Variants in PTX3 observed in about 807,000 individuals in gnomAD.
PTX3 encodes pentraxin 3.
PTX3 carries 24 observed loss-of-function variants against 23.5 expected under a neutral mutation model. The observed-to-expected ratio is 1.02, with a 90% CI of 0.74 to 1.43. PTX3 has a LOEUF of 1.43. Ranked by LOEUF, PTX3 falls within the 40% of genes most tolerant of loss-of-function variation. The probability of loss-of-function intolerance (pLI) is 0.00; values close to 1 mark genes in which losing one functional copy is unlikely to be tolerated. For synonymous variants in PTX3, 218 were observed against 205.4 expected (o/e 1.06, Z -0.53); for missense variants, 510 against 497.5 (o/e 1.02, Z -0.24).
At chr3:157,437,430 C>G (rs1733687904) in intron 1 of PTX3, 83 bp from the exon 2 acceptor site, 2 of 1,514,754 alleles carry the variant, frequency 1.3e-6, no homozygotes, top group Non-Finnish European at 1.8e-6. Context: ...CAACTTGGCA[C>G]CACCGAGGGA....
At chr3:157,438,039 A>ACG (rs1733802417) in intron 2 of PTX3, 125 bp downstream of exon 2, 1 of 436,398 alleles carries the variant, frequency 2.3e-6, no homozygotes, top group Non-Finnish European at 3.8e-6. Flanking sequence ...GCGCGCGCGC[A>ACG]CACACACACA....
rs1156830300 is a variant in PTX3 at position 157,437,827 on chromosome 3, C to T, written c.445C>T (p.Leu149=). 1.6e-5 allele frequency: 24 copies of T among 1,468,434 alleles called. No individual in the cohort carries two copies. The highest frequency in any genetic ancestry group is 2.0e-5 in the Non-Finnish European group (22 of 1,123,330). 91.0% of individuals were successfully genotyped at this position (1,468,434 alleles called of 1,614,324 possible). A position where few individuals can be genotyped will look rare whatever the true frequency, so the allele number is the denominator to read the frequency against. The change falls in exon 2 of 3, where the codon CTG becomes TTG. Residue 149 remains leucine (L), a synonymous_variant. Transcript: ENST00000295927. ...AQRPEEAGRA[L]AAVLEELRQT... is the part of the protein sequence containing the mutation. Reference sequence around the variant, plus strand: ...GCGCCCAGAGGAGGCGGGGCGCGCCCTGGCCGCGGTGCTAGAGGAGCTGCG... The same window carrying T: ...GCGCCCAGAGGAGGCGGGGCGCGCCTTGGCCGCGGTGCTAGAGGAGCTGCG...
In PTX3 at chr3:157,442,353, C is replaced by G. The variant is rs199930880; in HGVS notation, c.533-13C>G. 2.3e-5 allele frequency: 35 copies of G among 1,553,022 alleles called. No individual in the cohort carries two copies. Among genetic ancestry groups the G allele is most frequent in the Non-Finnish European group, 2.8e-5 (32 of 1,141,828 alleles). Reference sequence around the variant, plus strand: ...TTTTCTTTAATATTCTTCTTATTTTCTTGCTACTCTAGGTTGTGAAACAGC... The same window carrying G: ...TTTTCTTTAATATTCTTCTTATTTTGTTGCTACTCTAGGTTGTGAAACAGC... On this transcript the variant is annotated splice_polypyrimidine_tract_variant and intron_variant, in intron 2 of 2. Coordinates refer to ENST00000295927, the MANE Select transcript of PTX3 (RefSeq NM_002852.4).
Position 157,442,856 on chromosome 3 carries a change from T to C in PTX3, c.1023T>C (p.Ser341=). The change falls in exon 3 of 3, where the codon AGT becomes AGC. Residue 341 remains serine (S), a synonymous_variant. Transcript: ENST00000295927. The stretch of plus-strand genomic sequence containing the variant: ...TCACAGGCTTCAATATCTGGGATAG[T>C]GTTCTTAGCAATGAAGAGATAAGAG... ...GRLTGFNIWD[S]VLSNEEIRET... 2 of 1,614,134 alleles carry C rather than the reference T, an allele frequency of 1.2e-6. No homozygotes were observed. Among genetic ancestry groups the C allele is most frequent in the African/African-American group, 2.7e-5 (2 of 75,026 alleles).
Position 157,443,104 on chromosome 3 carries a change from A to G in PTX3, c.*125A>G. 1 of 1,154,328 alleles carries G rather than the reference A, an allele frequency of 8.7e-7. No individual in the cohort carries two copies. Among genetic ancestry groups the G allele is most frequent in the Non-Finnish European group, 1.2e-6 (1 of 832,576 alleles). 71.5% of individuals were successfully genotyped at this position (1,154,328 alleles called of 1,614,324 possible). On this transcript the variant is annotated 3_prime_UTR_variant, in exon 3 of 3. Transcript: ENST00000295927. Reference sequence around the variant, plus strand: ...GAGACTAATGAAAGAGAGAGTTGAGACCAATCTTTATTTGTACTGGCCAAA... The same window carrying G: ...GAGACTAATGAAAGAGAGAGTTGAGGCCAATCTTTATTTGTACTGGCCAAA...
Position 157,437,774 on chromosome 3 carries a change from T to C in PTX3, c.392T>C (p.Leu131Pro). The change falls in exon 2 of 3, where the codon CTG becomes CCG. Residue 131 changes from leucine (L) to proline (P), a missense_variant. Coordinates refer to ENST00000295927, the MANE Select transcript of PTX3 (RefSeq NM_002852.4). ...GCGACCCGCGACGCGGGCCGCAGGC[T>C]GGCGCGTATGGAGGGCGCGGAGGCG... ...LQATRDAGRR[L>P]ARMEGAEAQR... The C allele has an allele frequency of 6.7e-7, 1 of 1,481,488 alleles. No homozygotes were observed. The allele number at this position is 1,481,488 out of a possible 1,614,324, so 91.8% of individuals were successfully genotyped here. A position where few individuals can be genotyped will look rare whatever the true frequency, so the allele number is the denominator to read the frequency against.
Position 157,437,063 on chromosome 3 carries a change from C to A in PTX3, c.130C>A (p.Pro44Thr). 4 of 1,613,656 alleles carry A rather than the reference C, an allele frequency of 2.5e-6. No homozygotes were observed. Among genetic ancestry groups the A allele is most frequent in the South Asian group, 1.1e-5 (1 of 91,004 alleles). ...IDNGLHPTED[P>T]TPCACGQEHS... ...CAATGGACTCCATCCCACTGAGGAC[C>A]GTAAGTTCACTTTAACTGTTTCTCT... The change falls in exon 1 of 3, where the codon CCC becomes ACC. Residue 44 changes from proline (P) to threonine (T), a missense_variant and splice_region_variant. Transcript: ENST00000295927.
At position 157,443,088 on chromosome 3, in the gene PTX3, G is replaced by A. The variant is rs1053329136; in HGVS notation, c.*109G>A. 7.7e-7 allele frequency: 1 copy of A among 1,293,930 alleles called. No individual in the cohort carries two copies. Among genetic ancestry groups the A allele is most frequent in the African/African-American group, 1.5e-5 (1 of 66,818 alleles). 80.2% of individuals were successfully genotyped at this position (1,293,930 alleles called of 1,614,324 possible). A position where few individuals can be genotyped will look rare whatever the true frequency, so the allele number is the denominator to read the frequency against. On this transcript the variant is annotated 3_prime_UTR_variant, in exon 3 of 3. Coordinates refer to ENST00000295927, the MANE Select transcript of PTX3 (RefSeq NM_002852.4). ...CATAATAGGAACACTTGAGACTAAT[G>A]AAAGAGAGAGTTGAGACCAATCTTT...
chr3:157,437,768 G>T lies in PTX3; in HGVS notation c.386G>T (p.Arg129Leu). Residue 129 changes from arginine (R) to leucine (L), a missense_variant, in exon 2 of 3, where the codon CGC (arginine) becomes CTC (leucine). Physicochemically the swap from Arg to Leu is moderately radical, Grantham distance 102. Coordinates refer to ENST00000295927, the MANE Select transcript of PTX3 (RefSeq NM_002852.4). ...ELLQATRDAG[R>L]RLARMEGAEA... ...CTGCAGGCGACCCGCGACGCGGGCC[G>T]CAGGCTGGCGCGTATGGAGGGCGCG... 6.7e-7 allele frequency: 1 copy of T among 1,482,808 alleles called. No homozygotes were observed. The highest frequency in any genetic ancestry group is 2.8e-5 in the East Asian group (1 of 36,160). The allele number at this position is 1,482,808 out of a possible 1,614,324, so 91.9% of individuals were successfully genotyped here.
Position 157,442,682 on chromosome 3 carries a change from G to T in PTX3, c.849G>T (p.Leu283Phe), listed in dbSNP as rs1316695249. The T allele has an allele frequency of 1.2e-6, 2 of 1,614,114 alleles. No homozygotes were observed. Among genetic ancestry groups the T allele is most frequent in the African/African-American group, 2.7e-5 (2 of 74,936 alleles). ...ATTCAGAGGAAGGGCTCACATCCTTGTGGGTAAATGGTGAACTGGCGGCTA... is the reference window on the plus strand; with the variant it reads ...ATTCAGAGGAAGGGCTCACATCCTTTTGGGTAAATGGTGAACTGGCGGCTA... ...TWNSEEGLTS[L>F]WVNGELAATT... Residue 283 changes from leucine (L) to phenylalanine (F), a missense_variant, in exon 3 of 3, where the codon TTG becomes TTT. Physicochemically the swap from Leu to Phe is conservative, Grantham distance 22 (BLOSUM62 0). Transcript: ENST00000295927.
In PTX3 at chr3:157,437,570, T is replaced by C; in HGVS notation, c.188T>C (p.Leu63Pro). Residue 63 changes from leucine to proline, a missense_variant, in exon 2 of 3, where the codon CTG (leucine) becomes CCG (proline). Transcript: ENST00000295927. ...GAATGGGACAAGCTCTTCATCATGCTGGAGAACTCGCAGATGAGAGAGCGC... is the reference window on the plus strand; with the variant it reads ...GAATGGGACAAGCTCTTCATCATGCCGGAGAACTCGCAGATGAGAGAGCGC... ...HSEWDKLFIM[L>P]ENSQMRERML... 1 of 1,600,300 alleles carries C rather than the reference T, an allele frequency of 6.2e-7. No homozygotes were observed. Among genetic ancestry groups the C allele is most frequent in the Non-Finnish European group, 8.5e-7 (1 of 1,174,910 alleles).
At chr3:157,442,045 C>CA (rs1408290348) in intron 2 of PTX3, among the ~76,000 whole-genome samples, 1 of 152,054 alleles carries the variant, frequency 6.6e-6, no homozygotes, top group Non-Finnish European at 1.5e-5. Flanking sequence ...TAAAAAAAAG[C>CA]AGTAACAAAG....
At chr3:157,440,306 T>C (rs2109222147) in intron 2 of PTX3, among the ~76,000 whole-genome samples, 1 of 152,348 alleles carries the variant, frequency 6.6e-6, no homozygotes, top group South Asian at 2.1e-4. Context: ...ATTATCTGAA[T>C]GCCAATATTT....
intron 2 of PTX3, among the ~76,000 whole-genome samples, chr3:157,440,967 A>G (rs1211893888): frequency 6.6e-6 from 1 of 152,348 alleles, no homozygotes; most frequent in Admixed American, 6.5e-5. Context: ...TGGACAAGGT[A>G]GAATTTTTAA....
intron 2 of PTX3, 99 bp from the exon 3 acceptor site, chr3:157,442,267 G>T (rs1734182667): frequency 8.9e-7 from 1 of 1,120,156 alleles, no homozygotes; most frequent in African/African-American, 1.6e-5. Flanking sequence ...GCTTTCAATT[G>T]TAATAATTAA....
Position 157,437,799 on chromosome 3 carries a change from G to C in PTX3, c.417G>C (p.Ala139=). 5 of 1,461,974 alleles carry C rather than the reference G, an allele frequency of 3.4e-6. No homozygotes were observed. Among genetic ancestry groups the C allele is most frequent in the Non-Finnish European group, 4.5e-6 (5 of 1,120,862 alleles). The allele number at this position is 1,461,974 out of a possible 1,614,324, so 90.6% of individuals were successfully genotyped here. A position where few individuals can be genotyped will look rare whatever the true frequency, so the allele number is the denominator to read the frequency against. The change falls in exon 2 of 3, where the codon GCG becomes GCC. Residue 139 remains alanine, a synonymous_variant. Coordinates refer to ENST00000295927, the MANE Select transcript of PTX3 (RefSeq NM_002852.4). ...TGGCGCGTATGGAGGGCGCGGAGGC[G>C]CAGCGCCCAGAGGAGGCGGGGCGCG... The part of the protein sequence containing the change: ...RRLARMEGAE[A]QRPEEAGRAL...
At chr3:157,437,948 G>C in intron 2 of PTX3, 34 bp downstream of exon 2, 1 of 1,523,800 alleles carries the variant, frequency 6.6e-7, no homozygotes, top group East Asian at 2.5e-5. Flanking sequence ...ACCTCCCACT[G>C]CGGCTTTGTT....
In PTX3 at chr3:157,437,845, G is replaced by A; in HGVS notation, c.463G>A (p.Glu155Lys). The stretch of plus-strand genomic sequence containing the variant: ...GCGCGCCCTGGCCGCGGTGCTAGAG[G>A]AGCTGCGGCAGACGCGAGCCGACCT... ...AGRALAAVLE[E>K]LRQTRADLHA... is the part of the protein sequence containing the mutation. The change falls in exon 2 of 3, where the codon GAG becomes AAG. Residue 155 changes from glutamate to lysine, a missense_variant. Transcript: ENST00000295927. The A allele has an allele frequency of 6.7e-7, 1 of 1,496,996 alleles. No homozygotes were observed. The highest frequency in any genetic ancestry group is 8.8e-7 in the Non-Finnish European group (1 of 1,132,754). The allele number at this position is 1,496,996 out of a possible 1,614,324, so 92.7% of individuals were successfully genotyped here. A position where few individuals can be genotyped will look rare whatever the true frequency, so the allele number is the denominator to read the frequency against.
chr3:157,437,991 G>A, intron 2 of PTX3, 77 bp downstream of exon 2: 1 of 1,475,254 alleles, frequency 6.8e-7, no homozygotes, highest in South Asian at 1.3e-5. Flanking sequence ...GCCAAGCCAG[G>A]CAACCTTCTA....
Sources: gnomAD v4.1 joint callset for allele counts (sites outside exome capture counted in the v4.1 genomes callset) on GRCh38, gnomAD v4.1.1 for gene constraint, MANE v1.5 for transcripts, NCBI Gene and HGNC (gene_info 2026-07-23, HGNC 2026-07-21) for gene names.